The following CHST11 variants were observed in gnomAD, a reference collection of about 807,000 sequenced individuals.
The protein encoded by CHST11 is carbohydrate sulfotransferase 11.
Under a neutral mutation model 30.4 loss-of-function variants are expected in CHST11, and 9 were observed. The observed-to-expected ratio is 0.30, with a 90% CI of 0.18 to 0.52. CHST11 has a LOEUF of 0.52. CHST11 is among the 20% of genes least tolerant of loss of function. The pLI, the probability that CHST11 is intolerant of heterozygous loss-of-function variation, is 0.97. For missense variants in CHST11, 348 were observed against 460.6 expected (o/e 0.76, Z 2.24); for synonymous variants, 152 against 187.8 (o/e 0.81, Z 1.56).
intron 1 of CHST11, among the ~76,000 whole-genome samples, chr12:104,569,356 A>G (rs2038600643): frequency 6.6e-6 from 1 of 152,224 alleles, no homozygotes; most frequent in Admixed American, 6.5e-5. Context: ...AAATGCACAC[A>G]ACAAAAACAA....
At chr12:104,732,721 G>C (rs549703860) in intron 2 of CHST11, among the ~76,000 whole-genome samples, 1 of 152,102 alleles carries the variant, frequency 6.6e-6, no homozygotes, top group Non-Finnish European at 1.5e-5. Flanking sequence ...TGCTGTCACC[G>C]GGGCATTTGC....
At chr12:104,493,756 C>T (rs1329681425) in intron 1 of CHST11, among the ~76,000 whole-genome samples, 2 of 152,222 alleles carry the variant, frequency 1.3e-5, no homozygotes, top group African/African-American at 2.4e-5. Flanking sequence ...TGTGGAGGGC[C>T]GTCCCTTCGG....
At chr12:104,650,562 G>T (rs1368889799) in intron 2 of CHST11, among the ~76,000 whole-genome samples, 1 of 152,022 alleles carries the variant, frequency 6.6e-6, no homozygotes, top group African/African-American at 2.4e-5. Context: ...ATTCACTTTG[G>T]AGACGCGGGC....
At chr12:104,476,878 C>G (rs1225229208) in intron 1 of CHST11, among the ~76,000 whole-genome samples, 1 of 151,050 alleles carries the variant, frequency 6.6e-6, no homozygotes, top group Non-Finnish European at 1.5e-5. Context: ...AGGCCACAAA[C>G]TGTGTCCCCA....
chr12:104,636,495 G>A (rs866151114), intron 2 of CHST11, among the ~76,000 whole-genome samples: 23 of 152,324 alleles, frequency 1.5e-4, no homozygotes, highest in African/African-American at 4.3e-4. Flanking sequence ...CTCTGGTACC[G>A]TCTTTCTCTA....
rs776587671 is a variant in CHST11, at chr12:104,757,380, C to T, written c.636C>T (p.Tyr212=). The change falls in exon 3 of 3, where the codon TAC becomes TAT. Residue 212 remains tyrosine (Y), a synonymous_variant. Coordinates refer to ENST00000303694, the MANE Select transcript of CHST11 (RefSeq NM_018413.6). The surrounding 1 kb of genome is among the most constrained non-coding windows in gnomAD (Gnocchi z 6.5). ...ACAACATCTCCTTCCACAAGCGGTA[C>T]GGCACCAAGATCATCAAACGCCAGC... ...QKYNISFHKR[Y]GTKIIKRQRK... is the part of the protein sequence containing the mutation. 6.8e-6 allele frequency: 11 copies of T among 1,613,994 alleles called. No homozygotes were observed. The highest frequency in any genetic ancestry group is 3.3e-5 in the Admixed American group (2 of 59,988).
chr12:104,592,767 G>T (rs2038872459), intron 1 of CHST11, among the ~76,000 whole-genome samples: 1 of 152,144 alleles, frequency 6.6e-6, no homozygotes, highest in Non-Finnish European at 1.5e-5. Context: ...GTGCCTGATG[G>T]TGCACTAACC....
intron 2 of CHST11, among the ~76,000 whole-genome samples, chr12:104,733,196 C>G (rs2040270803): frequency 6.6e-6 from 1 of 152,216 alleles, no homozygotes. Context: ...TAAGACATAT[C>G]TTGAATGTAG....
intron 2 of CHST11, among the ~76,000 whole-genome samples, chr12:104,651,555 C>T (rs2694409): frequency 0.16 from 24,559 of 152,056 alleles, 2,095 homozygotes; most frequent in African/African-American, 0.18. Flanking sequence ...CTCAGCCTCT[C>T]CTTGACCTGG....
rs536955143 is a variant in CHST11, at chr12:104,561,386, G to A, written c.119-40520G>A. Among the ~76,000 whole-genome samples, 8 of 152,314 alleles carry A rather than the reference G, an allele frequency of 5.3e-5. No homozygotes were observed. In the South Asian group the frequency reaches 1.7e-3, roughly 32 times the overall value. On this transcript the variant is annotated intron_variant, in intron 1 of 2. Transcript: ENST00000303694. ...CAGGGAAAGGGGGAACAGTGACAAA[G>A]GGTGTCTTCATAATCCCATTGGCCA...
At position 104,757,655 on chromosome 12, in the gene CHST11, A is replaced by T; in HGVS notation, c.911A>T (p.Tyr304Phe). 1 of 1,614,182 alleles carries T rather than the reference A, an allele frequency of 6.2e-7. No individual in the cohort carries two copies. The highest frequency in any genetic ancestry group is 1.3e-5 in the African/African-American group (1 of 75,034). ...GGCAGCTACCTGAAGTTCCCCACCT[A>T]TGCAAAGTCTACGAGAACTACTGAT... ...GVGSYLKFPTYAKSTRTTDEM... is the reference protein window; with the variant it reads ...GVGSYLKFPTFAKSTRTTDEM... The change falls in exon 3 of 3, where the codon TAT (tyrosine) becomes TTT (phenylalanine). Residue 304 changes from tyrosine (Y) to phenylalanine (F), a missense_variant. Physicochemically the swap from Tyr to Phe is conservative, Grantham distance 22. Coordinates refer to ENST00000303694, the MANE Select transcript of CHST11 (RefSeq NM_018413.6). The surrounding 1 kb of genome is among the most constrained non-coding windows in gnomAD (Gnocchi z 6.5).
At chr12:104,544,208 A>C (rs140817036) in intron 1 of CHST11, among the ~76,000 whole-genome samples, 1 of 151,088 alleles carries the variant, frequency 6.6e-6, no homozygotes, top group African/African-American at 2.4e-5. Context: ...ATTAACGCTC[A>C]TACATAGAAT....
At chr12:104,619,185 C>T (rs1247303792) in intron 2 of CHST11, among the ~76,000 whole-genome samples, 1 of 152,194 alleles carries the variant, frequency 6.6e-6, no homozygotes, top group Non-Finnish European at 1.5e-5. Flanking sequence ...TGTGTGCCCA[C>T]CTGCGCCTGT....
chr12:104,632,026 CCTCGAGGGGCCGA>C, intron 2 of CHST11, among the ~76,000 whole-genome samples: 1 of 152,190 alleles, frequency 6.6e-6, no homozygotes, highest in African/African-American at 2.4e-5. Flanking sequence ...CCAACCCTTC[CCTCGAGGGGCCGA>C]CTCTTTAGCA....
At chr12:104,498,709 A>G (rs963040508) in intron 1 of CHST11, among the ~76,000 whole-genome samples, 2 of 152,204 alleles carry the variant, frequency 1.3e-5, no homozygotes, top group Admixed American at 1.3e-4. Context: ...GCAACTCTTA[A>G]TGATTTCCGA....
chr12:104,586,124 A>G (rs2038802180), intron 1 of CHST11, among the ~76,000 whole-genome samples: 2 of 152,060 alleles, frequency 1.3e-5, no homozygotes, highest in African/African-American at 2.4e-5. Context: ...GTACACTGCA[A>G]TCCATGGTTG....
chr12:104,472,986 G>T (rs967901972), intron 1 of CHST11, among the ~76,000 whole-genome samples: 3 of 151,372 alleles, frequency 2.0e-5, no homozygotes, highest in South Asian at 4.1e-4. Flanking sequence ...GGGAGCCCAG[G>T]GGTGGAGAGG....
At chr12:104,704,592 A>G (rs1017663039) in intron 2 of CHST11, among the ~76,000 whole-genome samples, 5 of 152,128 alleles carry the variant, frequency 3.3e-5, no homozygotes, top group Non-Finnish European at 7.3e-5. Flanking sequence ...AGAGTCTGAG[A>G]ATGAAGGCCA....
At position 104,600,283 on chromosome 12, in the gene CHST11, T is replaced by C. The variant is rs373317412; in HGVS notation, c.119-1623T>C. On this transcript the variant is annotated intron_variant, in intron 1 of 2. Transcript: ENST00000303694. This position sits in a 1 kb window ranked among gnomAD's most constrained non-coding sequence, Gnocchi z 4.1. ...CTCTCCTCCCTTTCCTGACCTCAGA[T>C]TGACTTCTAAGCAGAGGTCCCTGGG... Among the ~76,000 whole-genome samples, 3 of 152,150 alleles carry C rather than the reference T, an allele frequency of 2.0e-5. No homozygotes were observed. Among genetic ancestry groups the C allele is most frequent in the African/African-American group, 4.8e-5 (2 of 41,434 alleles).
Sources: gnomAD v4.1 joint callset for allele counts (sites outside exome capture counted in the v4.1 genomes callset) on GRCh38, gnomAD v4.1.1 for gene constraint, Gnocchi (gnomAD v3.1) non-coding constraint, MANE v1.5 for transcripts, NCBI Gene and HGNC (gene_info 2026-07-23, HGNC 2026-07-21) for gene names.